The following CADM1 variants were observed in gnomAD, a reference collection of about 807,000 sequenced individuals.
CADM1 encodes the protein TSLC-1.
A neutral mutation model predicts 53.1 loss-of-function variants in CADM1; 15 were observed. That is an observed-to-expected ratio of 0.28 (90% CI 0.19 to 0.44). CADM1 has a LOEUF of 0.44. Ranked by LOEUF, CADM1 falls within the 20% of genes least tolerant of loss-of-function variation. The probability of loss-of-function intolerance (pLI) is 1.00; values close to 1 mark genes in which losing one functional copy is unlikely to be tolerated. For missense variants in CADM1, 434 were observed against 611.3 expected (o/e 0.71, Z 3.06); for synonymous variants, 281 against 243.0 (o/e 1.16, Z -1.45).
intron 1 of CADM1, among the ~76,000 whole-genome samples, chr11:115,280,942 C>T (rs2135077309): frequency 6.6e-6 from 1 of 152,332 alleles, no homozygotes; most frequent in African/African-American, 2.4e-5. Flanking sequence ...AACTGCACAT[C>T]TCCCTAGACA....
intron 1 of CADM1, among the ~76,000 whole-genome samples, chr11:115,241,735 T>C (rs1226287430): frequency 6.6e-6 from 1 of 152,184 alleles, no homozygotes; most frequent in African/African-American, 2.4e-5. Context: ...CCATTATGCA[T>C]TGGGAGTAGT....
At chr11:115,270,090 A>G (rs981651472) in intron 1 of CADM1, among the ~76,000 whole-genome samples, 2 of 152,234 alleles carry the variant, frequency 1.3e-5, no homozygotes, top group Non-Finnish European at 2.9e-5. Context: ...AGGGACATGC[A>G]TTTAAGTAGC....
At chr11:115,504,205 C>G in intron 1 of CADM1, 66 bp downstream of exon 1, 4 of 1,551,202 alleles carry the variant, frequency 2.6e-6, no homozygotes, top group Non-Finnish European at 3.5e-6. Context: ...TTTCCCCCCT[C>G]TGTGGCCAAG....
intron 1 of CADM1, among the ~76,000 whole-genome samples, chr11:115,462,528 C>T (rs148216681): frequency 6.6e-6 from 1 of 152,120 alleles, no homozygotes; most frequent in East Asian, 1.9e-4. Flanking sequence ...TGACAAGTGC[C>T]GCATCTCATC....
intron 1 of CADM1, among the ~76,000 whole-genome samples, chr11:115,273,048 A>T (rs1943348036): frequency 6.6e-6 from 1 of 152,144 alleles, no homozygotes; most frequent in Admixed American, 6.5e-5. Flanking sequence ...AGAAAGATAA[A>T]CCTACTACAA....
At chr11:115,286,864 G>C (rs1180503956) in intron 1 of CADM1, among the ~76,000 whole-genome samples, 2 of 152,188 alleles carry the variant, frequency 1.3e-5, no homozygotes, top group African/African-American at 4.8e-5. Flanking sequence ...GATTAAAGAG[G>C]CTCCAAAAGA....
intron 8 of CADM1, among the ~76,000 whole-genome samples, chr11:115,201,351 C>A (rs973016781): frequency 6.6e-6 from 1 of 152,128 alleles, no homozygotes; most frequent in African/African-American, 2.4e-5. Flanking sequence ...ATTAAGAAAA[C>A]ATTCTTTAGA....
chr11:115,465,677 T>C (rs576472032), intron 1 of CADM1, among the ~76,000 whole-genome samples: 142 of 152,282 alleles, frequency 9.3e-4, no homozygotes, highest in African/African-American at 3.2e-3. Context: ...GCACAGTCGA[T>C]ATCAGAAAAA....
At chr11:115,431,915 C>T (rs773231732) in intron 1 of CADM1, among the ~76,000 whole-genome samples, 2 of 149,738 alleles carry the variant, frequency 1.3e-5, no homozygotes, top group African/African-American at 2.4e-5. Context: ...AATATTATAC[C>T]ATATATATAT....
chr11:115,194,207 G>A (rs1940037208), intron 9 of CADM1: 1 of 152,232 alleles, frequency 6.6e-6, no homozygotes, highest in Middle Eastern at 3.2e-3. Flanking sequence ...GATGTACATA[G>A]AGGCACATAC....
chr11:115,176,771 C>T (rs1939050848), intron 11 of CADM1, among the ~76,000 whole-genome samples, 179 bp from the exon 12 acceptor site: 1 of 152,100 alleles, frequency 6.6e-6, no homozygotes, highest in African/African-American at 2.4e-5. Context: ...CCGGGGGTTC[C>T]AAAGGCACCA....
At chr11:115,268,675 A>G (rs1943212067) in intron 1 of CADM1, among the ~76,000 whole-genome samples, 1 of 152,168 alleles carries the variant, frequency 6.6e-6, no homozygotes, top group Admixed American at 6.5e-5. Context: ...TTTCTTGATG[A>G]AACTGTCAAT....
intron 8 of CADM1, 70 bp downstream of exon 8, chr11:115,209,504 C>A: frequency 6.3e-7 from 1 of 1,599,332 alleles, no homozygotes; most frequent in South Asian, 1.1e-5. Context: ...AACTTTTCGG[C>A]TTCTTTTTAT....
rs1295084869 is a variant in CADM1, at chr11:115,214,515, T to C, written c.994+93A>G. 5.2e-6 allele frequency: 7 copies of C among 1,339,286 alleles called. No homozygotes were observed. The East Asian group carries it at 7.0e-5, about 13-fold the overall frequency. The allele number at this position is 1,339,286 out of a possible 1,614,324, so 83.0% of individuals were successfully genotyped here. Reference sequence around the variant, plus strand: ...TAGAAGGAAACCAACTGGTTTTTGATTTTCAACTTGACCAAAAGCTTTGAG... The same window carrying C: ...TAGAAGGAAACCAACTGGTTTTTGACTTTCAACTTGACCAAAAGCTTTGAG... On this transcript the variant is annotated intron_variant, in intron 7 of 11. Transcript: ENST00000331581.
At chr11:115,394,390 A>T (rs1946935133) in intron 1 of CADM1, among the ~76,000 whole-genome samples, 2 of 152,178 alleles carry the variant, frequency 1.3e-5, no homozygotes, top group African/African-American at 4.8e-5. Context: ...ACTTTCCTTT[A>T]TGACTTTAGC....
chr11:115,308,138 T>C (rs956730555), intron 1 of CADM1, among the ~76,000 whole-genome samples: 2 of 114,470 alleles, frequency 1.7e-5, no homozygotes, highest in African/African-American at 7.9e-5. Flanking sequence ...ACAAACTCTC[T>C]CTCTGTGTGT....
intron 1 of CADM1, among the ~76,000 whole-genome samples, chr11:115,370,125 C>T (rs766379191): frequency 2.0e-5 from 3 of 152,082 alleles, no homozygotes; most frequent in South Asian, 2.1e-4. Context: ...AAAAGAATTA[C>T]GGGAACAAAA....
intron 4 of CADM1, 41 bp from the exon 5 acceptor site, chr11:115,229,312 A>T (rs1468566062): frequency 6.2e-7 from 1 of 1,605,420 alleles, no homozygotes; most frequent in South Asian, 1.1e-5. Context: ...GAGTTGGGTG[A>T]ATTTCCATCA....
Position 115,297,169 on chromosome 11 carries a change from GGTTCA to G in CADM1, c.125-56754_125-56750del, listed in dbSNP as rs1220172292. Among the ~76,000 whole-genome samples, 10 of 152,246 alleles carry G rather than the reference GGTTCA, an allele frequency of 6.6e-5. No individual in the cohort carries two copies. The East Asian group carries it at 1.9e-3, about 29-fold the overall frequency. On this transcript the variant is annotated intron_variant, in intron 1 of 11. Coordinates refer to ENST00000331581, the MANE Select transcript of CADM1 (RefSeq NM_001301043.2). ...ATAGAAAATTAGCTTCTCATAAAAT[GGTTCA>G]GTTCAAGTTTATTAGAAAGCTCTCA...
Sources: gnomAD v4.1 joint callset for allele counts (sites outside exome capture counted in the v4.1 genomes callset) on GRCh38, gnomAD v4.1.1 for gene constraint, MANE v1.5 for transcripts, NCBI Gene and HGNC (gene_info 2026-07-23, HGNC 2026-07-21) for gene names.